The following CAAP1 variants were observed in gnomAD, a reference collection of about 807,000 sequenced individuals.
The protein encoded by CAAP1 is caspase activity and apoptosis inhibitor 1, also known as conserved anti-apoptotic protein.
A neutral mutation model predicts 34.0 loss-of-function variants in CAAP1; 20 were observed. The ratio of observed to expected loss-of-function variants is 0.59; its 90% CI spans 0.41 to 0.86. The LOEUF is 0.86. Among genes scored for constraint, CAAP1 ranks in the 40% least tolerant of loss-of-function variants. CAAP1 has a pLI of 0.00. For synonymous variants in CAAP1, 213 were observed against 166.7 expected, an observed-to-expected ratio of 1.28 and a Z score of -2.14; for missense variants, 538 against 450.5, an observed-to-expected ratio of 1.19 and a Z score of -1.76.
At chr9:26,843,614 A>G (rs1276057339) in intron 5 of CAAP1, among the ~76,000 whole-genome samples, 1 of 151,928 alleles carries the variant, frequency 6.6e-6, no homozygotes, top group Non-Finnish European at 1.5e-5. Context: ...TTAAAAAGTC[A>G]TGATCCCCAA....
intron 4 of CAAP1, among the ~76,000 whole-genome samples, chr9:26,869,523 C>A (rs1489759331): frequency 1.3e-5 from 2 of 152,062 alleles, no homozygotes; most frequent in East Asian, 3.9e-4. Flanking sequence ...GAAAAAAAAA[C>A]CATTTATATT....
intron 1 of CAAP1, 76 bp downstream of exon 1, chr9:26,892,337 C>A (rs567398633): frequency 4.3e-4 from 677 of 1,570,426 alleles, no homozygotes; most frequent in Admixed American, 1.6e-3. Flanking sequence ...CCAGCCTGCG[C>A]CCCATCCCTC....
chr9:26,841,383 A>G lies in CAAP1; in HGVS notation c.*918T>C, dbSNP rs1405827732. On this transcript the variant is annotated 3_prime_UTR_variant, in exon 6 of 6. Coordinates refer to ENST00000333916, the MANE Select transcript of CAAP1 (RefSeq NM_024828.4). ...TGTGGAAGGATGGTAATTTATTTAC[A>G]AAAACTATACAAAATTAGATTAATT... 1.3e-5 allele frequency: 2 copies of G among 152,606 alleles called. No homozygotes were observed. Among genetic ancestry groups the G allele is most frequent in the Admixed American group, 6.5e-5 (1 of 15,286 alleles). 9.5% of individuals were successfully genotyped at this position (152,606 alleles called of 1,614,324 possible). A position where few individuals can be genotyped will look rare whatever the true frequency, so the allele number is the denominator to read the frequency against.
At chr9:26,879,463 A>C (rs1199985395) in intron 4 of CAAP1, among the ~76,000 whole-genome samples, 1 of 152,184 alleles carries the variant, frequency 6.6e-6, no homozygotes, top group African/African-American at 2.4e-5. Context: ...CTATTTTTTC[A>C]CTAACAATCA....
chr9:26,871,907 T>A (rs916192971), intron 4 of CAAP1, among the ~76,000 whole-genome samples: 1 of 143,490 alleles, frequency 7.0e-6, no homozygotes, highest in Non-Finnish European at 1.5e-5. Flanking sequence ...GAGCCAGACT[T>A]CATCTCAAAA....
intron 1 of CAAP1, chr9:26,892,122 C>G (rs181081159): frequency 1.5e-6 from 1 of 651,542 alleles, no homozygotes; most frequent in East Asian, 3.6e-5. Flanking sequence ...GCTTCCAACT[C>G]GTATTCTTCC....
chr9:26,889,632 C>A (rs1228020896), intron 1 of CAAP1, among the ~76,000 whole-genome samples: 1 of 150,616 alleles, frequency 6.6e-6, no homozygotes, highest in African/African-American at 2.5e-5. Context: ...AGGTGGGAGG[C>A]TGAGGGGGGC....
At chr9:26,851,272 T>A (rs577102703) in intron 5 of CAAP1, among the ~76,000 whole-genome samples, 7 of 152,168 alleles carry the variant, frequency 4.6e-5, no homozygotes, top group Non-Finnish European at 1.0e-4. Context: ...CATAGATATA[T>A]GATATGAGAC....
At chr9:26,858,749 G>A (rs1480502451) in intron 5 of CAAP1, among the ~76,000 whole-genome samples, 50 of 151,928 alleles carry the variant, frequency 3.3e-4, no homozygotes, top group Admixed American at 3.3e-3. Flanking sequence ...TGTGAACCTG[G>A]GAGGTGGAGC....
chr9:26,859,216 T>C (rs1387390906), intron 5 of CAAP1, among the ~76,000 whole-genome samples: 1 of 152,168 alleles, frequency 6.6e-6, no homozygotes, highest in African/African-American at 2.4e-5. Flanking sequence ...CCTGGACTTT[T>C]GACATCTGGC....
At chr9:26,867,757 CATAAGT>C (rs1248289006) in intron 4 of CAAP1, among the ~76,000 whole-genome samples, 1 of 151,896 alleles carries the variant, frequency 6.6e-6, no homozygotes, top group Non-Finnish European at 1.5e-5. Flanking sequence ...TTAATATGTC[CATAAGT>C]ATATTACCAT....
At chr9:26,870,782 A>G (rs1823256734) in intron 4 of CAAP1, among the ~76,000 whole-genome samples, 1 of 151,612 alleles carries the variant, frequency 6.6e-6, no homozygotes, top group East Asian at 2.0e-4. Flanking sequence ...ACACCCAGCT[A>G]ATTTTTCTAT....
intron 3 of CAAP1, among the ~76,000 whole-genome samples, chr9:26,885,272 T>G (rs1016232115): frequency 6.6e-6 from 1 of 152,052 alleles, no homozygotes; most frequent in East Asian, 1.9e-4. Context: ...AGACGGGGTT[T>G]CACTATGTTG....
chr9:26,875,490 A>T (rs1795716050), intron 4 of CAAP1, among the ~76,000 whole-genome samples: 1 of 152,200 alleles, frequency 6.6e-6, no homozygotes, highest in Non-Finnish European at 1.5e-5. Flanking sequence ...AAATTTTTTC[A>T]TGTATTTTAA....
In CAAP1 at chr9:26,842,496, G is replaced by A. The variant is rs1157498362; in HGVS notation, c.891C>T (p.Asp297=). ...EAGQIDDLEK[D]IEKSVNEILG... ...GAATCTCATTCACACTTTTCTCAATGTCTTTCTCCAGGTCATCTATCTGAC... is the reference window on the plus strand; with the variant it reads ...GAATCTCATTCACACTTTTCTCAATATCTTTCTCCAGGTCATCTATCTGAC... The change falls in exon 6 of 6, where the codon GAC becomes GAT. Residue 297 remains aspartate, a synonymous_variant. Coordinates refer to ENST00000333916, the MANE Select transcript of CAAP1 (RefSeq NM_024828.4). The A allele has an allele frequency of 1.2e-6, 2 of 1,614,116 alleles. No individual in the cohort carries two copies. Among genetic ancestry groups the A allele is most frequent in the Non-Finnish European group, 8.5e-7 (1 of 1,180,020 alleles).
At chr9:26,869,040 A>G (rs1005143656) in intron 4 of CAAP1, among the ~76,000 whole-genome samples, 2 of 152,196 alleles carry the variant, frequency 1.3e-5, no homozygotes, top group Non-Finnish European at 2.9e-5. Context: ...AATTAGATTT[A>G]AAATGTCTAA....
Position 26,892,595 on chromosome 9 carries a change from T to C in CAAP1, c.121A>G (p.Ser41Gly). 6.2e-7 allele frequency: 1 copy of C among 1,607,378 alleles called. No homozygotes were observed. Among genetic ancestry groups the C allele is most frequent in the Non-Finnish European group, 8.5e-7 (1 of 1,178,444 alleles). Residue 41 changes from serine to glycine, a missense_variant, in exon 1 of 6, where the codon AGC becomes GGC. Coordinates refer to ENST00000333916, the MANE Select transcript of CAAP1 (RefSeq NM_024828.4). ...ALASGSSGSTSGCGSAGGCGS... is the reference protein window; with the variant it reads ...ALASGSSGSTGGCGSAGGCGS... ...CAGCCCCCGGCGCTCCCGCAGCCGC[T>C]AGTGCTTCCACTGCTGCCGCTGGCC... is the stretch of plus-strand genomic sequence containing the variant.
chr9:26,862,583 TG>T (rs1226243849), intron 4 of CAAP1, among the ~76,000 whole-genome samples: 1 of 152,112 alleles, frequency 6.6e-6, no homozygotes, highest in Non-Finnish European at 1.5e-5. Flanking sequence ...AAATGAGTAA[TG>T]TTCTGTTAAG....
rs747714751 is a variant in CAAP1 at position 26,892,437 on chromosome 9, G to C, written c.279C>G (p.Ser93=). Residue 93 remains serine, a synonymous_variant, in exon 1 of 6, where the codon TCC becomes TCG. Transcript: ENST00000333916. ...CCTGCTGCAAGGAGCCCGAGACGCT[G>C]GAAGAGTCGGTACTCCTCCGCTTCC... is the stretch of plus-strand genomic sequence containing the variant. ...ERRKRRSTDS[S]SVSGSLQQET... is the part of the protein sequence containing the mutation. The C allele has an allele frequency of 2.5e-6, 4 of 1,600,646 alleles. No individual in the cohort carries two copies. The highest frequency in any genetic ancestry group is 3.4e-6 in the Non-Finnish European group (4 of 1,175,570).
Sources: gnomAD v4.1 joint callset for allele counts (sites outside exome capture counted in the v4.1 genomes callset) on GRCh38, gnomAD v4.1.1 for gene constraint, MANE v1.5 for transcripts, NCBI Gene and HGNC (gene_info 2026-07-23, HGNC 2026-07-21) for gene names.